MKLN1: variants seen among roughly 807,000 people sequenced by gnomAD.
MKLN1 encodes muskelin 1.
A neutral mutation model predicts 99.0 loss-of-function variants in MKLN1; 18 were observed. The observed-to-expected ratio is 0.18, with a 90% CI of 0.13 to 0.27. The LOEUF (loss-of-function observed/expected upper bound fraction) is 0.27. Ranked by LOEUF, MKLN1 falls within the 10% of genes least tolerant of loss-of-function variation. The pLI is 1.00. For missense variants in MKLN1, 621 were observed against 875.9 expected (o/e 0.71, Z 3.67); for synonymous variants, 288 against 293.2 (o/e 0.98, Z 0.18).
At chr7:131,242,166 GC>G in intron 3 of MKLN1, among the ~76,000 whole-genome samples, 1 of 152,334 alleles carries the variant, frequency 6.6e-6, no homozygotes, top group South Asian at 2.1e-4. Flanking sequence ...ACGGCCAACG[GC>G]TATTGTCATC....
chr7:131,187,919 G>C (rs1418120828), intron 2 of MKLN1, among the ~76,000 whole-genome samples: 1 of 152,080 alleles, frequency 6.6e-6, no homozygotes, highest in African/African-American at 2.4e-5. Flanking sequence ...TTGTGCCACT[G>C]TACCCCAGCC....
At chr7:131,372,547 C>T (rs1793496545) in intron 1 of MKLN1, among the ~76,000 whole-genome samples, 1 of 152,014 alleles carries the variant, frequency 6.6e-6, no homozygotes, top group African/African-American at 2.4e-5. Flanking sequence ...TTCCCCTTCA[C>T]TTACTATGTA....
intron 2 of MKLN1, among the ~76,000 whole-genome samples, chr7:131,192,120 C>CA (rs1225608799): frequency 6.9e-5 from 5 of 72,910 alleles, no homozygotes; most frequent in African/African-American, 3.2e-4. Context: ...TATATATATA[C>CA]GTATATATAT....
chr7:131,245,728 A>T (rs1797477425), intron 3 of MKLN1, among the ~76,000 whole-genome samples: 1 of 152,264 alleles, frequency 6.6e-6, no homozygotes, highest in Admixed American at 6.5e-5. Flanking sequence ...CATGTAGCCT[A>T]GGTGTGCAGT....
chr7:131,403,498 C>G (rs1794611523), intron 6 of MKLN1, among the ~76,000 whole-genome samples: 1 of 152,210 alleles, frequency 6.6e-6, no homozygotes, highest in Admixed American at 6.5e-5. Flanking sequence ...TTTTCCTTCT[C>G]ATTTACAACT....
chr7:131,308,304 C>T (rs1350199887), intron 3 of MKLN1, among the ~76,000 whole-genome samples: 3 of 150,660 alleles, frequency 2.0e-5, no homozygotes, highest in Non-Finnish European at 4.4e-5. Flanking sequence ...CTCTGTCAGC[C>T]AGGCTGGAAT....
chr7:131,206,919 A>C (rs1172631637), intron 3 of MKLN1, among the ~76,000 whole-genome samples: 1 of 152,038 alleles, frequency 6.6e-6, no homozygotes, highest in African/African-American at 2.4e-5. Context: ...GCATGATTTA[A>C]AATGTTGCCA....
intron 3 of MKLN1, among the ~76,000 whole-genome samples, chr7:131,248,492 G>T (rs769904271): frequency 6.6e-6 from 1 of 151,158 alleles, no homozygotes; most frequent in Non-Finnish European, 1.5e-5. Flanking sequence ...GCCAAGCACC[G>T]TGCTAAGTGC....
chr7:131,134,061 C>T (rs1198093212), intron 1 of MKLN1, among the ~76,000 whole-genome samples: 1 of 151,496 alleles, frequency 6.6e-6, no homozygotes, highest in East Asian at 1.9e-4. Flanking sequence ...AACTCCTGAC[C>T]TCAGTTGATC....
At chr7:131,352,247 G>T (rs1379233997) in intron 1 of MKLN1, among the ~76,000 whole-genome samples, 1 of 152,184 alleles carries the variant, frequency 6.6e-6, no homozygotes, top group East Asian at 1.9e-4. Flanking sequence ...GCTCTCTCCT[G>T]TGTTCCTTTG....
At position 131,382,933 on chromosome 7, in the gene MKLN1, T is replaced by C. The variant is rs191524763; in HGVS notation, c.169-4187T>C. Among the ~76,000 whole-genome samples the C allele has an allele frequency of 2.5e-3, 373 of 152,066 alleles. 1 individual carries two copies. The highest frequency in any genetic ancestry group is 8.6e-3 in the African/African-American group (358 of 41,512). On this transcript the variant is annotated intron_variant, in intron 2 of 17. Coordinates refer to ENST00000352689, the MANE Select transcript of MKLN1 (RefSeq NM_013255.5). ...AGAGACAGGGTTTCACCGTGTTAGC[T>C]AGGATGGTCTCGATCTCTTGACCTC...
chr7:131,416,834 T>A (rs950430159), intron 8 of MKLN1, among the ~76,000 whole-genome samples: 15 of 151,610 alleles, frequency 9.9e-5, no homozygotes, highest in African/African-American at 3.2e-4. Flanking sequence ...AATAAAAAAA[T>A]CAGCTGGATG....
chr7:131,437,954 A>G lies in MKLN1; in HGVS notation c.1130A>G (p.Asp377Gly). The G allele has an allele frequency of 1.2e-6, 2 of 1,613,954 alleles. No individual in the cohort carries two copies. The highest frequency in any genetic ancestry group is 2.2e-5 in the East Asian group (1 of 44,870). Residue 377 changes from aspartate (D) to glycine (G), a missense_variant, in exon 10 of 18, where the codon GAT becomes GGT. Transcript: ENST00000352689. ...DTNTWMLLSE[D>G]TAADGGPKLV... ...AACACATGGATGTTACTAAGTGAGGATACTGCTGCTGATGGAGGGCCGAAA... is the reference window on the plus strand; with the variant it reads ...AACACATGGATGTTACTAAGTGAGGGTACTGCTGCTGATGGAGGGCCGAAA...
intron 3 of MKLN1, among the ~76,000 whole-genome samples, chr7:131,299,644 A>G (rs10261828): frequency 0.2 from 30,058 of 152,206 alleles, 3,183 homozygotes; most frequent in African/African-American, 0.29. Context: ...ATGTGAAAAT[A>G]AAATATAAAA....
intron 3 of MKLN1, among the ~76,000 whole-genome samples, chr7:131,238,264 A>G (rs1797353746): frequency 6.6e-6 from 1 of 152,244 alleles, no homozygotes; most frequent in Non-Finnish European, 1.5e-5. Context: ...TATTAGCTTC[A>G]TATAAGTAAT....
intron 3 of MKLN1, among the ~76,000 whole-genome samples, chr7:131,226,731 G>A (rs566474435): frequency 3.4e-4 from 52 of 152,274 alleles, no homozygotes; most frequent in Non-Finnish European, 1.5e-5. Flanking sequence ...AGAAGGAAAA[G>A]GGCAGGCTGG....
intron 3 of MKLN1, among the ~76,000 whole-genome samples, chr7:131,234,751 T>C (rs1677942706): frequency 6.6e-6 from 1 of 152,208 alleles, no homozygotes; most frequent in Admixed American, 6.5e-5. Flanking sequence ...GGAACTTTGC[T>C]TTTTGCCCAA....
intron 1 of MKLN1, 134 bp downstream of exon 1, chr7:131,328,131 T>TCTTAGTTCAGCTGCTGAGAGCG (rs1448226818): frequency 9.0e-7 from 1 of 1,110,220 alleles, no homozygotes; most frequent in Non-Finnish European, 1.3e-6. Flanking sequence ...GCCTCCGGAG[T>TCTTAGTTCAGCTGCTGAGAGCG]CTTAGTTCAG....
chr7:131,398,206 G>A (rs758170719), intron 5 of MKLN1, among the ~76,000 whole-genome samples: 22 of 152,088 alleles, frequency 1.4e-4, no homozygotes, highest in Non-Finnish European at 2.8e-4. Flanking sequence ...TACTTAGGAA[G>A]TTTGAGGTAG....
Sources: allele counts gnomAD v4.1 joint callset (sites outside exome capture counted in the v4.1 genomes callset), GRCh38; gene constraint gnomAD v4.1.1; transcripts MANE v1.5; gene names NCBI Gene and HGNC (gene_info 2026-07-23, HGNC 2026-07-21).